SFTPD: variants seen among roughly 807,000 people sequenced by gnomAD.
SFTPD encodes the protein surfactant protein D.
A neutral mutation model predicts 34.6 loss-of-function variants in SFTPD; 18 were observed. That is an observed-to-expected ratio of 0.52 (90% CI 0.36 to 0.77). The LOEUF (loss-of-function observed/expected upper bound fraction) is 0.77, where lower values mean the gene tolerates loss of function less well. Ranked by LOEUF, SFTPD falls within the 30% of genes least tolerant of loss-of-function variation. The pLI is 0.00. For synonymous variants in SFTPD, 155 were observed against 180.9 expected (o/e 0.86, Z 1.15); for missense variants, 433 against 468.9 (o/e 0.92, Z 0.71).
intron 1 of SFTPD, chr10:79,982,178 C>G (rs565512171): frequency 3.8e-4 from 170 of 442,872 alleles, no homozygotes; most frequent in African/African-American, 3.4e-3. Flanking sequence ...GGGCACCAAG[C>G]AGAGGAGCCG....
intron 3 of SFTPD, 61 bp downstream of exon 3, chr10:79,942,702 G>T (rs201232872): frequency 9.2e-5 from 110 of 1,195,112 alleles, no homozygotes; most frequent in Non-Finnish European, 1.3e-4. Context: ...GTGCCCACTG[G>T]CATATCCTTG....
At chr10:79,978,364 G>T in intron 1 of SFTPD, among the ~76,000 whole-genome samples, 1 of 152,094 alleles carries the variant, frequency 6.6e-6, no homozygotes, top group South Asian at 2.1e-4. Flanking sequence ...CAACAAATTA[G>T]GCATATGCTG....
At chr10:79,956,508 G>T (rs1265932855) in intron 1 of SFTPD, among the ~76,000 whole-genome samples, 3 of 152,378 alleles carry the variant, frequency 2.0e-5, no homozygotes, top group South Asian at 2.1e-4. Flanking sequence ...ATTATATCCC[G>T]CACCTGGCTT....
Position 79,946,642 on chromosome 10 carries a change from G to C in SFTPD, c.18C>G (p.Leu6=), listed in dbSNP as rs747665349. 5.0e-6 allele frequency: 8 copies of C among 1,614,194 alleles called. No individual in the cohort carries two copies. Among genetic ancestry groups the C allele is most frequent in the Non-Finnish European group, 6.8e-6 (8 of 1,180,018 alleles). The part of the protein sequence containing the change: MLLFL[L]SALVLLTQPL... ...GCTGTGTGAGCAGGACCAGTGCAGA[G>C]AGGAGGAAGAGCAGCATGGCCTGGA... The change falls in exon 2 of 8, where the codon CTC becomes CTG. Residue 6 remains leucine, a synonymous_variant. Coordinates refer to ENST00000372292, the MANE Select transcript of SFTPD (RefSeq NM_003019.5).
chr10:79,945,084 G>A (rs1443046870), intron 2 of SFTPD, among the ~76,000 whole-genome samples: 2 of 152,222 alleles, frequency 1.3e-5, no homozygotes, highest in Admixed American at 6.5e-5. Context: ...TAGCCCCACC[G>A]TGTTCTGTCC....
At chr10:79,956,664 G>C (rs1357095821) in intron 1 of SFTPD, among the ~76,000 whole-genome samples, 4 of 152,258 alleles carry the variant, frequency 2.6e-5, no homozygotes, top group Non-Finnish European at 5.9e-5. Context: ...AGCTCGAACT[G>C]GGTGGAGCCC....
At chr10:79,948,608 A>G (rs1238110985) in intron 1 of SFTPD, among the ~76,000 whole-genome samples, 1 of 152,196 alleles carries the variant, frequency 6.6e-6, no homozygotes, top group African/African-American at 2.4e-5. Flanking sequence ...AAAGACCTGA[A>G]GCTATGAGAA....
chr10:79,960,431 A>G (rs1842765287), intron 1 of SFTPD, among the ~76,000 whole-genome samples: 1 of 150,582 alleles, frequency 6.6e-6, no homozygotes, highest in South Asian at 2.1e-4. Flanking sequence ...TAAGCTGATA[A>G]GCAACTTCAG....
At chr10:79,946,781 T>C (rs1842670328) in intron 1 of SFTPD, 119 bp from the exon 2 acceptor site, 6 of 893,910 alleles carry the variant, frequency 6.7e-6, no homozygotes, top group Non-Finnish European at 1.0e-5. Flanking sequence ...TCCTCTGCTA[T>C]GGGGCCTAGA....
chr10:79,978,616 C>T (rs1272979616), intron 1 of SFTPD, among the ~76,000 whole-genome samples: 1 of 128,332 alleles, frequency 7.8e-6, no homozygotes, highest in Non-Finnish European at 1.5e-5. Context: ...TGTGCCACTG[C>T]ACTCTAGCCT....
intron 1 of SFTPD, chr10:79,982,167 T>G: frequency 2.4e-6 from 1 of 412,376 alleles, no homozygotes; most frequent in Non-Finnish European, 4.0e-6. Context: ...AGGGCGGACA[T>G]GGGCACCAAG....
chr10:79,938,251 T>C, intron 7 of SFTPD, 23 bp from the exon 8 acceptor site: 1 of 1,564,896 alleles, frequency 6.4e-7, no homozygotes, highest in Non-Finnish European at 8.7e-7. Flanking sequence ...GAAAGTCAGG[T>C]TGGGGTTGTG....
chr10:79,942,887 A>G lies in SFTPD; in HGVS notation c.200-8T>C. On this transcript the variant is annotated splice_region_variant and splice_polypyrimidine_tract_variant and intron_variant, in intron 2 of 7. Coordinates refer to ENST00000372292, the MANE Select transcript of SFTPD (RefSeq NM_003019.5). ...CTGCAGCTCCTGGCAAACCTGTAGC[A>G]GCAGAAGAAATGGACAAAGACCTGG... 2.5e-6 allele frequency: 4 copies of G among 1,593,694 alleles called. No homozygotes were observed. Among genetic ancestry groups the G allele is most frequent in the Non-Finnish European group, 3.4e-6 (4 of 1,161,408 alleles).
intron 1 of SFTPD, among the ~76,000 whole-genome samples, chr10:79,980,348 C>T (rs1842883895): frequency 6.6e-6 from 1 of 152,112 alleles, no homozygotes; most frequent in South Asian, 2.1e-4. Flanking sequence ...GGCCCTAGCT[C>T]CGAGATGGCA....
chr10:79,967,927 C>A (rs945962642), intron 1 of SFTPD, among the ~76,000 whole-genome samples: 4 of 151,850 alleles, frequency 2.6e-5, no homozygotes, highest in South Asian at 2.1e-4. Context: ...ACTACCTACC[C>A]AAATCCTATA....
intron 1 of SFTPD, among the ~76,000 whole-genome samples, chr10:79,968,022 G>T (rs1482638787): frequency 7.0e-6 from 1 of 143,648 alleles, no homozygotes; most frequent in Non-Finnish European, 1.5e-5. Flanking sequence ...CAGCCTTATT[G>T]CTCAGAAAAA....
Position 79,956,278 on chromosome 10 carries a change from T to G in SFTPD, c.37-9616A>C, listed in dbSNP as rs1323321158. Reference sequence around the variant, plus strand: ...TTCCATCTGAGGTACCGGGTTCATCTCACTAGGGAGTGCCAGAGAGTGGTT... The same window carrying G: ...TTCCATCTGAGGTACCGGGTTCATCGCACTAGGGAGTGCCAGAGAGTGGTT... On this transcript the variant is annotated intron_variant, in intron 1 of 5. Coordinates refer to the SFTPD transcript ENST00000444384. Among the ~76,000 whole-genome samples the G allele has an allele frequency of 5.9e-5, 9 of 152,314 alleles. No homozygotes were observed. The East Asian group carries it at 1.7e-3, about 29-fold the overall frequency.
chr10:79,937,814 C>T lies in SFTPD; in HGVS notation c.*38G>A. The T allele has an allele frequency of 6.6e-7, 1 of 1,512,238 alleles. No individual in the cohort carries two copies. The allele number at this position is 1,512,238 out of a possible 1,614,324, so 93.7% of individuals were successfully genotyped here. ...GTCTAAGCCTTGACTTCTGGCCAAA[C>T]TCCTGGGCCAAGCACTGCCCCACCC... On this transcript the variant is annotated 3_prime_UTR_variant, in exon 8 of 8. Coordinates refer to ENST00000372292, the MANE Select transcript of SFTPD (RefSeq NM_003019.5).
chr10:79,960,694 C>A (rs1842767148), intron 1 of SFTPD, among the ~76,000 whole-genome samples: 1 of 151,908 alleles, frequency 6.6e-6, no homozygotes, highest in African/African-American at 2.4e-5. Context: ...TAGGAAGAAT[C>A]AATATCGTGA....
Sources: gnomAD v4.1 joint callset for allele counts (sites outside exome capture counted in the v4.1 genomes callset) on GRCh38, gnomAD v4.1.1 for gene constraint, MANE v1.5 for transcripts, NCBI Gene and HGNC (gene_info 2026-07-23, HGNC 2026-07-21) for gene names.